Variants in EDN2 observed in about 807,000 individuals in gnomAD.
The protein encoded by EDN2 is endothelin 2, also known as endothelin-2.
Under a neutral mutation model 19.9 loss-of-function variants are expected in EDN2, and 10 were observed. The observed-to-expected ratio is 0.50, with a 90% CI of 0.31 to 0.85. EDN2 has a LOEUF of 0.85. Among genes scored for constraint, EDN2 ranks in the 40% least tolerant of loss-of-function variants. EDN2 has a pLI of 0.05. For synonymous variants in EDN2, 84 were observed against 94.9 expected (o/e 0.89, Z 0.67); for missense variants, 222 against 239.3 (o/e 0.93, Z 0.48).
At chr1:41,483,092 A>G (rs1644261969) in intron 2 of EDN2, 1 of 152,806 alleles carries the variant, frequency 6.5e-6, no homozygotes, top group Non-Finnish European at 1.5e-5. Context: ...GAGGGGTAAC[A>G]CATGTGCCTT....
chr1:41,480,886 C>A (rs867552032), intron 4 of EDN2: 2 of 668,770 alleles, frequency 3.0e-6, no homozygotes, highest in South Asian at 3.2e-5. Flanking sequence ...CTAGTGGTAA[C>A]AAAGAGCACA....
At chr1:41,480,272 G>C (rs568933919) in intron 4 of EDN2, among the ~76,000 whole-genome samples, 1 of 152,012 alleles carries the variant, frequency 6.6e-6, no homozygotes, top group African/African-American at 2.4e-5. Flanking sequence ...TTTTTCTGCC[G>C]CCCCCAAAAG....
intron 3 of EDN2, among the ~76,000 whole-genome samples, chr1:41,481,840 C>T (rs560523523): frequency 3.9e-5 from 6 of 152,248 alleles, no homozygotes; most frequent in South Asian, 2.1e-4. Flanking sequence ...CGTGCGCGGC[C>T]GGAAGCTTGG....
At chr1:41,482,270 G>A (rs537410905) in intron 3 of EDN2, among the ~76,000 whole-genome samples, 196 bp downstream of exon 3, 19 of 152,204 alleles carry the variant, frequency 1.2e-4, no homozygotes, top group Non-Finnish European at 5.9e-5. Context: ...GCTGGGCACC[G>A]GGAGGCCCCC....
In EDN2 at chr1:41,484,627, A is replaced by G; in HGVS notation, c.-26T>C. The G allele has an allele frequency of 6.4e-7, 1 of 1,552,606 alleles. No homozygotes were observed. The highest frequency in any genetic ancestry group is 8.7e-7 in the Non-Finnish European group (1 of 1,147,682). ...AGCGGCGGTGGAGCGCGCAGGCTGG[A>G]CTGGAGCAGGGAGTGCCTGTTGCCA... On this transcript the variant is annotated 5_prime_UTR_variant, in exon 1 of 5. Transcript: ENST00000372587.
intron 2 of EDN2, 82 bp from the exon 3 acceptor site, chr1:41,482,670 A>G (rs1569588918): frequency 4.8e-6 from 7 of 1,452,986 alleles, no homozygotes; most frequent in African/African-American, 2.9e-5. Flanking sequence ...AGAGAGGATT[A>G]AATAAACCAC....
rs11572370 is a variant in EDN2 at position 41,479,585 on chromosome 1, C to T, written c.444-83G>A. 2,029 of 1,223,464 alleles carry T rather than the reference C, an allele frequency of 1.7e-3. 30 individuals carry two copies. In the African/African-American group the frequency reaches 0.025, roughly 15 times the overall value. The allele number at this position is 1,223,464 out of a possible 1,614,324, so 75.8% of individuals were successfully genotyped here. On this transcript the variant is annotated intron_variant, in intron 4 of 4. Transcript: ENST00000372587. The stretch of plus-strand genomic sequence containing the variant: ...CCCCATGAGAGCAGGGGCAATGGGG[C>T]TACAGCCCTTGCCCAGATCCTGGGG...
At chr1:41,481,964 G>A (rs987348923) in intron 3 of EDN2, among the ~76,000 whole-genome samples, 1 of 152,190 alleles carries the variant, frequency 6.6e-6, no homozygotes, top group Non-Finnish European at 1.5e-5. Flanking sequence ...TAGGAGACAT[G>A]GCAAAGGCTC....
intron 3 of EDN2, among the ~76,000 whole-genome samples, chr1:41,482,083 C>G (rs1056606523): frequency 2.6e-5 from 4 of 152,208 alleles, no homozygotes; most frequent in Admixed American, 1.3e-4. Flanking sequence ...GGTCGGAATC[C>G]AAAGCCCAGT....
At chr1:41,484,347 G>A in intron 1 of EDN2, 144 bp from the exon 2 acceptor site, 1 of 1,319,152 alleles carries the variant, frequency 7.6e-7, no homozygotes, top group Non-Finnish European at 1.0e-6. Flanking sequence ...GGCCAGCCCA[G>A]GGAAGTCCCA....
In EDN2 at chr1:41,484,557, C is replaced by A; in HGVS notation, c.45G>T (p.Leu15=). 6.4e-7 allele frequency: 1 copy of A among 1,557,734 alleles called. No individual in the cohort carries two copies. Among genetic ancestry groups the A allele is most frequent in the South Asian group, 1.2e-5 (1 of 84,330 alleles). The change falls in exon 1 of 5, where the codon CTG becomes CTT. Residue 15 remains leucine (L), a synonymous_variant. Transcript: ENST00000372587. ...PTTWCSVALA[L]LVALHEGKGQ... is the part of the protein sequence containing the mutation. ...GCTCACCTTCATGCAGGGCCACGAG[C>A]AGGGCTAGCGCAACGGAGCACCAGG... is the stretch of plus-strand genomic sequence containing the variant.
rs1644233191 is a variant in EDN2 at position 41,479,947 on chromosome 1, C to A, written c.444-445G>T. Among the ~76,000 whole-genome samples the A allele has an allele frequency of 2.6e-5, 4 of 152,330 alleles. No individual in the cohort carries two copies. The South Asian group carries it at 8.3e-4, about 32-fold the overall frequency. ...GTAGTCCAGCCCAGAAAACAGGGCACCCCGCTGCCCTTTGAACCTGGCTGG... is the reference window on the plus strand; with the variant it reads ...GTAGTCCAGCCCAGAAAACAGGGCAACCCGCTGCCCTTTGAACCTGGCTGG... On this transcript the variant is annotated intron_variant, in intron 4 of 4. Coordinates refer to ENST00000372587, the MANE Select transcript of EDN2 (RefSeq NM_001956.5).
At chr1:41,484,011 G>A in intron 2 of EDN2, 36 bp downstream of exon 2, 2 of 1,541,120 alleles carry the variant, frequency 1.3e-6, no homozygotes, top group Non-Finnish European at 1.8e-6. Flanking sequence ...CCCTGCCCCA[G>A]AGCTCCCCCT....
chr1:41,480,766 C>T lies in EDN2; in HGVS notation c.443+329G>A, dbSNP rs746922426. On this transcript the variant is annotated intron_variant, in intron 4 of 4. Coordinates refer to ENST00000372587, the MANE Select transcript of EDN2 (RefSeq NM_001956.5). ...AGGGAGCAGGCTGGGCAGTTGGCCC[C>T]TCTGGACCCCAGCATGTGTGAGATG... 12 of 517,952 alleles carry T rather than the reference C, an allele frequency of 2.3e-5. No individual in the cohort carries two copies. In the East Asian group the frequency reaches 4.7e-4, roughly 20 times the overall value. The allele number at this position is 517,952 out of a possible 1,614,324, so 32.1% of individuals were successfully genotyped here. A position where few individuals can be genotyped will look rare whatever the true frequency, so the allele number is the denominator to read the frequency against.
chr1:41,484,537 C>T lies in EDN2; in HGVS notation c.64+1G>A, dbSNP rs1012659951. On this transcript the variant is annotated splice_donor_variant, in intron 1 of 4. Coordinates refer to ENST00000372587, the MANE Select transcript of EDN2 (RefSeq NM_001956.5). LOFTEE classifies it high-confidence loss of function. ...CAGCAGGTGAGGCCAGGGCAGCTCA[C>T]CTTCATGCAGGGCCACGAGCAGGGC... The T allele has an allele frequency of 1.9e-6, 3 of 1,554,096 alleles. No individual in the cohort carries two copies. The highest frequency in any genetic ancestry group is 2.6e-6 in the Non-Finnish European group (3 of 1,148,570).
intron 3 of EDN2, among the ~76,000 whole-genome samples, chr1:41,481,708 T>G (rs1644249306): frequency 6.6e-6 from 1 of 152,018 alleles, no homozygotes; most frequent in Non-Finnish European, 1.5e-5. Flanking sequence ...CCCAGCAATT[T>G]TTTTATATTT....
intron 4 of EDN2, among the ~76,000 whole-genome samples, chr1:41,480,411 C>G (rs554075477): frequency 6.6e-6 from 1 of 152,238 alleles, no homozygotes; most frequent in Non-Finnish European, 1.5e-5. Context: ...CTACACACTT[C>G]ATGTGCGTCC....
Position 41,481,086 on chromosome 1 carries a change from C to T in EDN2, c.443+9G>A, listed in dbSNP as rs201880337. On this transcript the variant is annotated intron_variant, in intron 4 of 4. Coordinates refer to ENST00000372587, the MANE Select transcript of EDN2 (RefSeq NM_001956.5). The stretch of plus-strand genomic sequence containing the variant: ...GTGCTCAGTCTGTGCATGTGTCCCA[C>T]GCCCTCACCTCAGCCTTTGGAGAAG... 283 of 1,609,264 alleles carry T rather than the reference C, an allele frequency of 1.8e-4. No individual in the cohort carries two copies. Among genetic ancestry groups the T allele is most frequent in the Non-Finnish European group, 2.3e-4 (268 of 1,175,900 alleles).
intron 3 of EDN2, among the ~76,000 whole-genome samples, chr1:41,481,431 C>T (rs527392418): frequency 2.4e-4 from 36 of 152,314 alleles, no homozygotes; most frequent in African/African-American, 8.4e-4. Context: ...TTTGGCCTTC[C>T]CAGAATCTGG....
Sources: gnomAD v4.1 joint callset for allele counts (sites outside exome capture counted in the v4.1 genomes callset) on GRCh38, gnomAD v4.1.1 for gene constraint, MANE v1.5 for transcripts, NCBI Gene and HGNC (gene_info 2026-07-23, HGNC 2026-07-21) for gene names.